Variants in PIK3C2G observed in about 807,000 individuals in gnomAD.
The protein encoded by PIK3C2G is phosphatidylinositol 3-kinase C2 domain-containing subunit gamma.
PIK3C2G carries 168 observed loss-of-function variants against 181.1 expected under a neutral mutation model. The observed-to-expected ratio is 0.93, with a 90% confidence interval of 0.82 to 1.05. The LOEUF is 1.05. Among genes scored for constraint, PIK3C2G ranks in the 50% least tolerant of loss-of-function variants. The pLI is 0.00. For synonymous variants in PIK3C2G, 573 were observed against 592.2 expected, an observed-to-expected ratio of 0.97 and a Z score of 0.47; for missense variants, 1,869 against 1,732.8, an observed-to-expected ratio of 1.08 and a Z score of -1.40.
chr12:18,488,452 G>T lies in PIK3C2G; in HGVS notation c.2508G>T (p.Leu836=). The T allele has an allele frequency of 1.3e-6, 2 of 1,505,338 alleles. No homozygotes were observed. Among genetic ancestry groups the T allele is most frequent in the South Asian group, 1.3e-5 (1 of 75,498 alleles). 93.2% of individuals were successfully genotyped at this position (1,505,338 alleles called of 1,614,324 possible). Residue 836 remains leucine, a synonymous_variant, in exon 19 of 33, where the codon CTG becomes CTT. Coordinates refer to ENST00000538779, the MANE Select transcript of PIK3C2G (RefSeq NM_001288772.2). The part of the protein sequence containing the change: ...SIQVAHRLYW[L]LKNAENEAYF... ...TTTTTCTCTCTCTTTCCTTCAGGCT[G>T]CTAAAAAATGCAGAAAATGAAGCTT...
At chr12:18,583,336 A>G (rs1946601479) in intron 29 of PIK3C2G, among the ~76,000 whole-genome samples, 1 of 152,306 alleles carries the variant, frequency 6.6e-6, no homozygotes, top group Non-Finnish European at 1.5e-5. Context: ...AGCATACTGC[A>G]GCCCTACAGA....
At chr12:18,289,433 G>A (rs942585256) in intron 3 of PIK3C2G, among the ~76,000 whole-genome samples, 2 of 152,070 alleles carry the variant, frequency 1.3e-5, no homozygotes, top group African/African-American at 2.4e-5. Flanking sequence ...AATCATGGAC[G>A]CATTGAGGAG....
At chr12:18,517,160 G>A (rs1045579470) in intron 24 of PIK3C2G, among the ~76,000 whole-genome samples, 4 of 151,616 alleles carry the variant, frequency 2.6e-5, no homozygotes, top group Admixed American at 2.0e-4. Flanking sequence ...TGGTGGTTTG[G>A]TACTTAACAT....
chr12:18,502,343 A>G (rs1941547772), intron 22 of PIK3C2G, among the ~76,000 whole-genome samples: 1 of 152,198 alleles, frequency 6.6e-6, no homozygotes, highest in African/African-American at 2.4e-5. Flanking sequence ...TAAATGGTCA[A>G]TTTAAAAAAC....
intron 29 of PIK3C2G, among the ~76,000 whole-genome samples, chr12:18,582,781 C>T: frequency 6.6e-6 from 1 of 151,534 alleles, no homozygotes; most frequent in Admixed American, 6.6e-5. Flanking sequence ...TCAGTGCAGC[C>T]ACCCTAAGAA....
At chr12:18,643,282 A>G (rs991127987) in intron 32 of PIK3C2G, among the ~76,000 whole-genome samples, 1 of 152,118 alleles carries the variant, frequency 6.6e-6, no homozygotes, top group Non-Finnish European at 1.5e-5. Context: ...ATCTTTCTCA[A>G]TTGATCTATA....
At position 18,423,958 on chromosome 12, in the gene PIK3C2G, A is replaced by T; in HGVS notation, c.2423A>T (p.Glu808Val). 6.2e-7 allele frequency: 1 copy of T among 1,607,884 alleles called. No homozygotes were observed. Among genetic ancestry groups the T allele is most frequent in the South Asian group, 1.1e-5 (1 of 90,248 alleles). The change falls in exon 18 of 33, where the codon GAA becomes GTA. Residue 808 changes from glutamate (E) to valine (V), a missense_variant. By Grantham distance (121) the Glu-to-Val change is moderately radical. Transcript: ENST00000538779. ...CTCTTACTTCAGGCTGTCAAGTTTG[A>T]ATGGAACCTTGAGAGTCCTTTAGTG... ...LPQLVQAVKF[E>V]WNLESPLVQL...
intron 23 of PIK3C2G, among the ~76,000 whole-genome samples, chr12:18,504,659 G>A (rs866274386): frequency 3.3e-5 from 5 of 152,198 alleles, no homozygotes; most frequent in East Asian, 3.9e-4. Flanking sequence ...TGGACGCAAA[G>A]TGTATTTTTG....
At position 18,282,583 on chromosome 12, in the gene PIK3C2G, C is replaced by T; in HGVS notation, c.502C>T (p.His168Tyr). The stretch of plus-strand genomic sequence containing the variant: ...ATTAGAAAATGAAAATCATAACTAC[C>T]ATATAGGATTTGAAAGTAGCATTCC... ...KELENENHNY[H>Y]IGFESSIPPT... Residue 168 changes from histidine (H) to tyrosine (Y), a missense_variant, in exon 2 of 33, where the codon CAT (histidine) becomes TAT (tyrosine). His to Tyr is a moderately conservative substitution (Grantham distance 83). Transcript: ENST00000538779. 2 of 1,611,772 alleles carry T rather than the reference C, an allele frequency of 1.2e-6. No individual in the cohort carries two copies. Among genetic ancestry groups the T allele is most frequent in the Non-Finnish European group, 1.7e-6 (2 of 1,178,216 alleles).
intron 25 of PIK3C2G, among the ~76,000 whole-genome samples, chr12:18,544,109 T>C (rs1285575179): frequency 6.6e-6 from 1 of 151,730 alleles, no homozygotes; most frequent in African/African-American, 2.4e-5. Context: ...AGAATTTCAG[T>C]GACAAGGAAA....
At chr12:18,620,255 T>A (rs1197654903) in intron 31 of PIK3C2G, among the ~76,000 whole-genome samples, 2 of 152,136 alleles carry the variant, frequency 1.3e-5, no homozygotes, top group African/African-American at 4.8e-5. Context: ...TCTCTCTAAT[T>A]TTTAATTTGT....
intron 4 of PIK3C2G, 146 bp downstream of exon 4, chr12:18,291,158 C>T (rs1447494159): frequency 3.7e-6 from 2 of 547,514 alleles, no homozygotes; most frequent in African/African-American, 3.8e-5. Flanking sequence ...ATCAGGGATC[C>T]ATTTGTTAAT....
At chr12:18,422,922 C>A (rs1186233429) in intron 17 of PIK3C2G, among the ~76,000 whole-genome samples, 1 of 152,072 alleles carries the variant, frequency 6.6e-6, no homozygotes, top group East Asian at 1.9e-4. Flanking sequence ...TATTGTCCTT[C>A]TATAGTCAGA....
the PIK3C2G span, chr12:18,699,847 T>G: frequency 6.2e-7 from 1 of 1,613,572 alleles, no homozygotes; most frequent in Non-Finnish European, 8.5e-7. Flanking sequence ...ATTATTTTCA[T>G]TAAATTGCTG....
intron 1 of PIK3C2G, among the ~76,000 whole-genome samples, chr12:18,255,156 C>T (rs1045102444): frequency 6.6e-6 from 1 of 151,090 alleles, no homozygotes; most frequent in Admixed American, 6.6e-5. Context: ...GTGGAGATTG[C>T]GGTGAGCTGA....
At chr12:18,555,721 G>T (rs74486180) in intron 26 of PIK3C2G, among the ~76,000 whole-genome samples, 5,649 of 152,000 alleles carry the variant, frequency 0.037, 223 homozygotes, top group African/African-American at 0.099. Flanking sequence ...AAGGTTCATT[G>T]TCTTAGTACC....
chr12:18,681,948 G>T, the PIK3C2G span, among the ~76,000 whole-genome samples: 1 of 152,088 alleles, frequency 6.6e-6, no homozygotes, highest in Admixed American at 6.6e-5. Flanking sequence ...TTAGGGAAGG[G>T]TAAAGCGTTG....
chr12:18,552,387 T>C (rs1009514614), intron 26 of PIK3C2G, among the ~76,000 whole-genome samples: 1 of 152,154 alleles, frequency 6.6e-6, no homozygotes, highest in Non-Finnish European at 1.5e-5. Flanking sequence ...TGTATACTTT[T>C]ATCATTAAAT....
At chr12:18,390,350 G>A (rs1943457587) in intron 14 of PIK3C2G, among the ~76,000 whole-genome samples, 2 of 151,906 alleles carry the variant, frequency 1.3e-5, no homozygotes, top group Non-Finnish European at 2.9e-5. Flanking sequence ...ATATTAAAAT[G>A]AAAAAAACCC....
Sources: gnomAD v4.1 joint callset for allele counts (sites outside exome capture counted in the v4.1 genomes callset) on GRCh38, gnomAD v4.1.1 for gene constraint, MANE v1.5 for transcripts, NCBI Gene and HGNC (gene_info 2026-07-23, HGNC 2026-07-21) for gene names.